Variants in CEP350 observed in about 807,000 individuals in gnomAD.
CEP350 encodes centrosomal protein 350, also known as centrosome-associated protein 350.
A neutral mutation model predicts 331.8 loss-of-function variants in CEP350; 126 were observed. That is an observed-to-expected ratio of 0.38 (90% confidence interval 0.33 to 0.44). CEP350 has a LOEUF of 0.44. CEP350 is among the 20% of genes least tolerant of loss of function. The pLI is 1.00. For synonymous variants in CEP350, 1,200 were observed against 1,259.5 expected, an observed-to-expected ratio of 0.95 and a Z score of 1.00; for missense variants, 3,406 against 3,634.6, an observed-to-expected ratio of 0.94 and a Z score of 1.62.
chr1:180,025,915 T>TA, intron 14 of CEP350, among the ~76,000 whole-genome samples: 1 of 151,942 alleles, frequency 6.6e-6, no homozygotes, highest in East Asian at 1.9e-4. Flanking sequence ...TAAAGTAAAA[T>TA]AAAAAATACA....
At chr1:179,962,843 G>A (rs1650735654) in intron 1 of CEP350, among the ~76,000 whole-genome samples, 2 of 152,174 alleles carry the variant, frequency 1.3e-5, no homozygotes, top group Non-Finnish European at 2.9e-5. Flanking sequence ...ACCCAGTAGT[G>A]GGAATGCTGG....
intron 1 of CEP350, 109 bp downstream of exon 1, chr1:179,955,251 C>T (rs1650081181): frequency 9.2e-7 from 1 of 1,088,054 alleles, no homozygotes; most frequent in Non-Finnish European, 1.1e-6. Context: ...GGGCCGGGCG[C>T]GGAGAGTCTT....
At chr1:180,052,896 G>C (rs1278398419) in intron 22 of CEP350, 74 bp from the exon 23 acceptor site, 2 of 582,494 alleles carry the variant, frequency 3.4e-6, no homozygotes, top group African/African-American at 3.8e-5. Context: ...CCATAAAGAG[G>C]CAAAGGGCTA....
At chr1:180,068,277 CAT>C (rs1305113722) in intron 27 of CEP350, among the ~76,000 whole-genome samples, 4 of 152,208 alleles carry the variant, frequency 2.6e-5, no homozygotes, top group Middle Eastern at 3.4e-3. Context: ...ATATTCCTAA[CAT>C]ATGGCTTTTC....
chr1:180,064,667 C>G (rs1658436535), intron 26 of CEP350, among the ~76,000 whole-genome samples: 1 of 151,976 alleles, frequency 6.6e-6, no homozygotes, highest in South Asian at 2.1e-4. Flanking sequence ...AAGGAAAAAA[C>G]CCATGCCCTA....
chr1:180,044,967 T>C (rs1657026461), intron 21 of CEP350, among the ~76,000 whole-genome samples: 1 of 152,080 alleles, frequency 6.6e-6, no homozygotes, highest in African/African-American at 2.4e-5. Flanking sequence ...TTAATTTATC[T>C]GCCTTCAAAG....
intron 30 of CEP350, among the ~76,000 whole-genome samples, chr1:180,083,557 T>A (rs1659690458): frequency 6.6e-6 from 1 of 152,208 alleles, no homozygotes; most frequent in African/African-American, 2.4e-5. Flanking sequence ...CAATTTGAAG[T>A]GGTAAAACTC....
At chr1:179,989,689 T>C (rs749787764) in intron 3 of CEP350, among the ~76,000 whole-genome samples, 13 of 152,306 alleles carry the variant, frequency 8.5e-5, no homozygotes, top group Admixed American at 4.6e-4. Context: ...AGTTGACTTA[T>C]ATTGCAGAGT....
chr1:180,004,954 TCC>T (rs1181178126), intron 7 of CEP350, among the ~76,000 whole-genome samples: 1 of 80,696 alleles, frequency 1.2e-5, no homozygotes, highest in African/African-American at 3.2e-5. Flanking sequence ...TTTCTTTCTT[TCC>T]CCTCTCTCTC....
chr1:180,074,002 TTTAATAGCC>T (rs1010923323), intron 27 of CEP350: 3 of 1,152,326 alleles, frequency 2.6e-6, no homozygotes, highest in Non-Finnish European at 3.4e-6. Context: ...TCTCTTTTTT[TTTAATAGCC>T]TGGAGGCCTC....
At chr1:180,078,709 C>G (rs1659383965) in intron 29 of CEP350, 35 bp downstream of exon 29, 3 of 1,522,994 alleles carry the variant, frequency 2.0e-6, no homozygotes, top group Non-Finnish European at 2.6e-6. Context: ...TAAAGATTCT[C>G]TAGAAAAAAA....
Position 180,003,183 on chromosome 1 carries a change from C to T in CEP350, c.1028C>T (p.Pro343Leu), listed in dbSNP as rs1239746959. 1.9e-6 allele frequency: 3 copies of T among 1,611,288 alleles called. No individual in the cohort carries two copies. Among genetic ancestry groups the T allele is most frequent in the African/African-American group, 2.7e-5 (2 of 74,980 alleles). The change falls in exon 7 of 38, where the codon CCT (proline) becomes CTT (leucine). Residue 343 changes from proline to leucine, a missense_variant. Around this residue, in one of 5 missense-constraint regions of CEP350, gnomAD observed 1,857 missense variants for 1,909.2 expected, o/e 0.97. Coordinates refer to ENST00000367607, the MANE Select transcript of CEP350 (RefSeq NM_014810.5). ...TACTGGTATGTATTAGGTTTCAACC[C>T]TTCAGAGACCAAGATTCGAACACCT... ...PPAPAYKGFN[P>L]SETKIRTPDG... is the part of the protein sequence containing the mutation.
chr1:179,986,385 CTTA>C (rs1652647955), intron 2 of CEP350, 131 bp downstream of exon 2: 1 of 574,770 alleles, frequency 1.7e-6, no homozygotes, highest in Admixed American at 3.2e-5. Flanking sequence ...TTAAAATTCT[CTTA>C]TATTTTAAAT....
chr1:180,080,656 A>T lies in CEP350; in HGVS notation c.6119A>T (p.Gln2040Leu). Reference sequence around the variant, plus strand: ...TCAGATGAGTCATTATCTATGACACAGTCAGGTAAGACTAATCATGAGGAG... The same window carrying T: ...TCAGATGAGTCATTATCTATGACACTGTCAGGTAAGACTAATCATGAGGAG... ...SWSDESLSMT[Q>L]SETTSDQSDI... Residue 2040 changes from glutamine to leucine, a missense_variant, in exon 30 of 38, where the codon CAG becomes CTG. Gln to Leu is a moderately radical substitution (Grantham distance 113). Coordinates refer to ENST00000367607, the MANE Select transcript of CEP350 (RefSeq NM_014810.5). The T allele has an allele frequency of 6.2e-7, 1 of 1,613,352 alleles. No homozygotes were observed. Among genetic ancestry groups the T allele is most frequent in the Non-Finnish European group, 8.5e-7 (1 of 1,179,446 alleles).
rs1465931731 is a variant in CEP350, at chr1:179,987,504, ATAT to A, written c.120+222_120+224del. Among the ~76,000 whole-genome samples the A allele has an allele frequency of 7.4e-5, 11 of 148,006 alleles. No homozygotes were observed. In the South Asian group the frequency reaches 1.0e-3, roughly 14 times the overall value. On this transcript the variant is annotated intron_variant, in intron 3 of 37. Transcript: ENST00000367607. ...ATACTTATATACATAGTATATAGTA[ATAT>A]TATAGTATTATCATATATAATATAT...
chr1:180,006,500 G>C lies in CEP350; in HGVS notation c.1179G>C (p.Lys393Asn), dbSNP rs200513070. The C allele has an allele frequency of 1.9e-4, 292 of 1,552,040 alleles. 1 individual carries two copies. Among genetic ancestry groups the C allele is most frequent in the Non-Finnish European group, 2.4e-4 (271 of 1,146,070 alleles). The change falls in exon 8 of 38, where the codon AAG (lysine) becomes AAC (asparagine). Residue 393 changes from lysine (K) to asparagine (N), a missense_variant. Physicochemically the swap from Lys to Asn is moderately conservative, Grantham distance 94. Transcript: ENST00000367607. ...KEKPAEKSKE[K>N]KVVKPVRKVQ... ...AACCTGCTGAAAAAAGTAAAGAGAA[G>C]AAAGTAGTCAAGCCAGTACGAAAAG...
At position 179,992,233 on chromosome 1, in the gene CEP350, GA is replaced by G. The variant is rs148001345; in HGVS notation, c.395+22del. On this transcript the variant is annotated intron_variant, in intron 5 of 37. Coordinates refer to ENST00000367607, the MANE Select transcript of CEP350 (RefSeq NM_014810.5). ...TTGGTTTCTTATAGGTTAGTATTGAGAAAAAAAAAAGGTATCAAATAGGTTT... is the reference window on the plus strand; with the variant it reads ...TTGGTTTCTTATAGGTTAGTATTGAGAAAAAAAAAGGTATCAAATAGGTTT... The G allele has an allele frequency of 0.023, 30,138 of 1,301,504 alleles. 485 individuals are homozygous for G. The highest frequency in any genetic ancestry group is 0.073 in the South Asian group (4,065 of 55,394). The allele number at this position is 1,301,504 out of a possible 1,614,324, so 80.6% of individuals were successfully genotyped here.
chr1:179,976,918 A>G (rs1036288647), intron 1 of CEP350, among the ~76,000 whole-genome samples: 1 of 152,230 alleles, frequency 6.6e-6, no homozygotes, highest in Non-Finnish European at 1.5e-5. Flanking sequence ...AAAATGAGGT[A>G]CTAGCATTAT....
chr1:180,049,404 C>T (rs896210593), intron 22 of CEP350, among the ~76,000 whole-genome samples: 1 of 152,172 alleles, frequency 6.6e-6, no homozygotes, highest in African/African-American at 2.4e-5. Flanking sequence ...TGAACAGTGA[C>T]TTTAATTTCT....
Sources: gnomAD v4.1 joint callset for allele counts (sites outside exome capture counted in the v4.1 genomes callset) on GRCh38, gnomAD v4.1.1 for gene constraint, gnomAD v4.1.1 regional missense constraint, MANE v1.5 for transcripts, NCBI Gene and HGNC (gene_info 2026-07-23, HGNC 2026-07-21) for gene names.